ANKS6: variants seen among roughly 807,000 people sequenced by gnomAD.
ANKS6 encodes the protein ankyrin repeat and SAM domain-containing protein 6.
A neutral mutation model predicts 77.9 loss-of-function variants in ANKS6; 47 were observed. That is an observed-to-expected ratio of 0.60 (90% CI 0.48 to 0.77). The LOEUF (loss-of-function observed/expected upper bound fraction) is 0.77, where lower values mean the gene tolerates loss of function less well. ANKS6 is among the 30% of genes least tolerant of loss of function. The pLI is 0.00. For missense variants in ANKS6, 1,150 were observed against 1,159.1 expected, an observed-to-expected ratio of 0.99 and a Z score of 0.11; for synonymous variants, 488 against 501.7, an observed-to-expected ratio of 0.97 and a Z score of 0.37.
intron 4 of ANKS6, chr9:98,783,660 T>G (rs1400376699): frequency 3.5e-6 from 1 of 289,772 alleles, no homozygotes; most frequent in African/African-American, 2.2e-5. Context: ...GTCACTGTGT[T>G]CAACTGAAAC....
At chr9:98,768,352 C>A (rs1490455075) in intron 10 of ANKS6, 102 bp from the exon 11 acceptor site, 2 of 1,409,836 alleles carry the variant, frequency 1.4e-6, no homozygotes, top group African/African-American at 1.4e-5. Flanking sequence ...GCCAGTCTCC[C>A]AGACTCCCTT....
intron 1 of ANKS6, among the ~76,000 whole-genome samples, chr9:98,793,087 G>T (rs1248851071): frequency 2.0e-5 from 3 of 152,190 alleles, no homozygotes; most frequent in Non-Finnish European, 2.9e-5. Context: ...TAAAGAGCTG[G>T]CACACATTTT....
chr9:98,779,538 AAAAG>A (rs1834111848), intron 6 of ANKS6, among the ~76,000 whole-genome samples: 1 of 152,192 alleles, frequency 6.6e-6, no homozygotes, highest in Non-Finnish European at 1.5e-5. Flanking sequence ...CTTTAAAAAA[AAAAG>A]AGAGAGAGAT....
chr9:98,756,752 A>G (rs1386986574), intron 11 of ANKS6, 149 bp from the exon 12 acceptor site: 2 of 689,296 alleles, frequency 2.9e-6, no homozygotes, highest in Non-Finnish European at 4.2e-6. Context: ...AAAACATGGA[A>G]AGCAGAAATA....
At chr9:98,750,205 C>T (rs1043600953) in intron 13 of ANKS6, among the ~76,000 whole-genome samples, 5 of 152,210 alleles carry the variant, frequency 3.3e-5, no homozygotes, top group Non-Finnish European at 7.3e-5. Context: ...AACTCTCTGG[C>T]AACCACGAAT....
intron 12 of ANKS6, among the ~76,000 whole-genome samples, chr9:98,753,621 A>C (rs1318413669): frequency 7.6e-5 from 1 of 13,222 alleles, no homozygotes; most frequent in African/African-American, 3.6e-4. Flanking sequence ...ACCCTATCTC[A>C]AAAAAAAAAA....
In ANKS6 at chr9:98,732,839, GAAA is replaced by G. The variant is rs1288944324; in HGVS notation, c.*3677_*3679del. 2 of 1,228,538 alleles carry G rather than the reference GAAA, an allele frequency of 1.6e-6. No individual in the cohort carries two copies. Among genetic ancestry groups the G allele is most frequent in the African/African-American group, 3.1e-5 (2 of 65,074 alleles). 76.1% of individuals were successfully genotyped at this position (1,228,538 alleles called of 1,614,324 possible). On this transcript the variant is annotated 3_prime_UTR_variant, in exon 15 of 15. Transcript: ENST00000353234. ...TACTCATTTTAAAGGACTAAAAACAGAAAAACAGGCACCCAACTGACCCTTCCT... is the reference window on the plus strand; with the variant it reads ...TACTCATTTTAAAGGACTAAAAACAGAACAGGCACCCAACTGACCCTTCCT...
Position 98,756,524 on chromosome 9 carries a change from G to T in ANKS6, c.2222C>A (p.Pro741His). ...CTCTGCAGTGTGCCCTTTGGGTGAG[G>T]GGGAGGGCGTGAGGGTTGGAGAGGT... ...KSTSPTLTPS[P>H]SPKGHTAESS... The change falls in exon 12 of 15, where the codon CCC becomes CAC. Residue 741 changes from proline to histidine, a missense_variant. By Grantham distance (77) the Pro-to-His change is moderately conservative. Transcript: ENST00000353234. The T allele has an allele frequency of 6.2e-7, 1 of 1,607,294 alleles. No individual in the cohort carries two copies. The highest frequency in any genetic ancestry group is 1.3e-5 in the African/African-American group (1 of 74,542).
chr9:98,780,458 T>G, intron 5 of ANKS6, 121 bp from the exon 6 acceptor site: 1 of 1,232,470 alleles, frequency 8.1e-7, no homozygotes, highest in Non-Finnish European at 1.1e-6. Context: ...TCTGTGTAAT[T>G]CCAGAATCAA....
chr9:98,793,696 A>G (rs1378932262), intron 1 of ANKS6, among the ~76,000 whole-genome samples: 1 of 150,914 alleles, frequency 6.6e-6, no homozygotes, highest in African/African-American at 2.4e-5. Flanking sequence ...CACCACGCCC[A>G]GCTAATTTTT....
At chr9:98,795,021 G>A (rs1835097362) in intron 1 of ANKS6, among the ~76,000 whole-genome samples, 1 of 152,142 alleles carries the variant, frequency 6.6e-6, no homozygotes, top group Non-Finnish European at 1.5e-5. Flanking sequence ...AGGCCTTTCT[G>A]CTGCGGAGGG....
chr9:98,749,192 A>C (rs1324370768), intron 13 of ANKS6, among the ~76,000 whole-genome samples: 1 of 152,170 alleles, frequency 6.6e-6, no homozygotes, highest in East Asian at 1.9e-4. Context: ...CTTGGCCCCC[A>C]GCAAGCACAG....
At position 98,791,457 on chromosome 9, in the gene ANKS6, A is replaced by G. The variant is rs978900296; in HGVS notation, c.360-851T>C. ...AAAGATCTGCACCCACCAACTTCCT[A>G]GTACCAGGAGAAGGAAAACAGGTAC... On this transcript the variant is annotated intron_variant, in intron 1 of 14. Coordinates refer to ENST00000353234, the MANE Select transcript of ANKS6 (RefSeq NM_173551.5). This position sits in a 1 kb window ranked among gnomAD's most constrained non-coding sequence, Gnocchi z 4.3. Among the ~76,000 whole-genome samples, 4 of 152,188 alleles carry G rather than the reference A, an allele frequency of 2.6e-5. No homozygotes were observed. Among genetic ancestry groups the G allele is most frequent in the African/African-American group, 9.7e-5 (4 of 41,442 alleles).
At chr9:98,759,023 G>T (rs1832869483) in intron 11 of ANKS6, among the ~76,000 whole-genome samples, 1 of 152,034 alleles carries the variant, frequency 6.6e-6, no homozygotes, top group South Asian at 2.1e-4. Context: ...GTCATAGTTT[G>T]CATTCTATCT....
rs796556899 is a variant in ANKS6, at chr9:98,790,488, C to G, written c.478G>C (p.Val160Leu). ...VASRGGHLGV[V>L]KLLLEAGAFV... ...GCACCGGCTTCCAGGAGCAGCTTCACCACACCCAGGTGGCCGCCCCGAGAA... is the reference window on the plus strand; with the variant it reads ...GCACCGGCTTCCAGGAGCAGCTTCAGCACACCCAGGTGGCCGCCCCGAGAA... The change falls in exon 2 of 15, where the codon GTG becomes CTG. Residue 160 changes from valine (V) to leucine (L), a missense_variant. Coordinates refer to ENST00000353234, the MANE Select transcript of ANKS6 (RefSeq NM_173551.5). 1 of 1,613,544 alleles carries G rather than the reference C, an allele frequency of 6.2e-7. No homozygotes were observed. Among genetic ancestry groups the G allele is most frequent in the South Asian group, 1.1e-5 (1 of 91,058 alleles).
In ANKS6 at chr9:98,768,189, T is replaced by C; in HGVS notation, c.2034A>G (p.Leu678=). Reference sequence around the variant, plus strand: ...ACCGATGGCTGGGTTTCTGCTCCAATAATCCGGCTGCTTTTTTCCTCTGGG... The same window carrying C: ...ACCGATGGCTGGGTTTCTGCTCCAACAATCCGGCTGCTTTTTTCCTCTGGG... ...IAAQRKKAAG[L]LEQKPSHRSS... is the part of the protein sequence containing the mutation. The change falls in exon 11 of 15, where the codon TTA becomes TTG. Residue 678 remains leucine, a synonymous_variant. Coordinates refer to ENST00000353234, the MANE Select transcript of ANKS6 (RefSeq NM_173551.5). 1 of 1,614,142 alleles carries C rather than the reference T, an allele frequency of 6.2e-7. No homozygotes were observed. The highest frequency in any genetic ancestry group is 2.2e-5 in the East Asian group (1 of 44,884).
rs554712716 is a variant in ANKS6, at chr9:98,753,744, C to A, written c.2327-2648G>T. On this transcript the variant is annotated intron_variant, in intron 12 of 14. Transcript: ENST00000353234. ...CTGAAAGTGAAGCTGAGCAGAGATG[C>A]GCAGTAGGAACACATCATTACGGGG... 8.1e-4 allele frequency among the ~76,000 whole-genome samples: 124 copies of A among 152,162 alleles called. 1 individual carries two copies. Among genetic ancestry groups the A allele is most frequent in the African/African-American group, 2.9e-3 (120 of 41,506 alleles).
At position 98,777,465 on chromosome 9, in the gene ANKS6, A is replaced by G; in HGVS notation, c.1568-11T>C. On this transcript the variant is annotated splice_polypyrimidine_tract_variant and intron_variant, in intron 7 of 14. Coordinates refer to ENST00000353234, the MANE Select transcript of ANKS6 (RefSeq NM_173551.5). ...TTGTGCTCCCAGGACCTGAGAGACA[A>G]ATGGAAATTTCCTGAAATGACCCCT... is the stretch of plus-strand genomic sequence containing the variant. 3 of 1,614,128 alleles carry G rather than the reference A, an allele frequency of 1.9e-6. No individual in the cohort carries two copies. Among genetic ancestry groups the G allele is most frequent in the Non-Finnish European group, 1.7e-6 (2 of 1,179,996 alleles).
chr9:98,772,723 C>CT (rs1833708657), intron 9 of ANKS6, among the ~76,000 whole-genome samples: 1 of 152,208 alleles, frequency 6.6e-6, no homozygotes, highest in Admixed American at 6.5e-5. Flanking sequence ...CTCTCTCCCT[C>CT]TACCTGGGAC....
Sources: gnomAD v4.1 joint callset for allele counts (sites outside exome capture counted in the v4.1 genomes callset) on GRCh38, gnomAD v4.1.1 for gene constraint, Gnocchi (gnomAD v3.1) non-coding constraint, MANE v1.5 for transcripts, NCBI Gene and HGNC (gene_info 2026-07-23, HGNC 2026-07-21) for gene names.